Variants in SLIT3 observed in about 807,000 individuals in gnomAD.
The protein encoded by SLIT3 is slit homolog 3 protein.
In SLIT3, 68 loss-of-function variants were observed where a neutral mutation model predicts 184.0. The ratio of observed to expected loss-of-function variants is 0.37; its 90% CI spans 0.30 to 0.45. The LOEUF (loss-of-function observed/expected upper bound fraction) is 0.45. Among genes scored for constraint, SLIT3 ranks in the 20% least tolerant of loss-of-function variants. The probability of loss-of-function intolerance (pLI) is 1.00; values close to 1 mark genes in which losing one functional copy is unlikely to be tolerated. For synonymous variants in SLIT3, 831 were observed against 828.6 expected, an observed-to-expected ratio of 1.00 and a Z score of -0.05; for missense variants, 1,707 against 2,026.0, an observed-to-expected ratio of 0.84 and a Z score of 3.02.
intron 1 of SLIT3, among the ~76,000 whole-genome samples, chr5:169,294,990 T>C (rs1334473952): frequency 6.6e-6 from 1 of 152,192 alleles, no homozygotes; most frequent in Non-Finnish European, 1.5e-5. Flanking sequence ...GAATAAAGCT[T>C]ACAGGACTGG....
At chr5:169,099,809 C>T (rs78015093) in intron 4 of SLIT3, among the ~76,000 whole-genome samples, 1 of 152,282 alleles carries the variant, frequency 6.6e-6, no homozygotes, top group East Asian at 1.9e-4. Context: ...GGGCATCTAA[C>T]CCTGCATTAG....
intron 6 of SLIT3, among the ~76,000 whole-genome samples, chr5:168,836,135 C>T (rs1581130469): frequency 1.3e-5 from 2 of 152,296 alleles, no homozygotes; most frequent in East Asian, 3.9e-4. Context: ...AGGATCTTGA[C>T]TTTCAAGACT....
chr5:169,098,174 A>C (rs1419927167), intron 4 of SLIT3, among the ~76,000 whole-genome samples: 1 of 152,060 alleles, frequency 6.6e-6, no homozygotes, highest in Non-Finnish European at 1.5e-5. Context: ...TTCATGCCTT[A>C]GAGTTAATTA....
chr5:169,263,629 C>A (rs759815617), intron 1 of SLIT3: 2 of 494,070 alleles, frequency 4.0e-6, no homozygotes, highest in South Asian at 3.0e-5. Flanking sequence ...CATACAGATA[C>A]GCCCAACGTT....
chr5:169,261,445 CTTTCTTCTTTTCTTTCCTTAT>C (rs1364609395), intron 1 of SLIT3, among the ~76,000 whole-genome samples: 2 of 152,144 alleles, frequency 1.3e-5, no homozygotes, highest in African/African-American at 4.8e-5. Flanking sequence ...TCCCTTCCTT[CTTTCTTCTTTTCTTTCCTTAT>C]TTTCTTCTTT....
intron 1 of SLIT3, among the ~76,000 whole-genome samples, chr5:169,296,714 G>A (rs1010139004): frequency 5.3e-5 from 8 of 152,342 alleles, no homozygotes; most frequent in Admixed American, 3.9e-4. Flanking sequence ...AAAGCTAGCC[G>A]TCATTTGGAG....
chr5:169,166,775 C>T (rs975851874), intron 4 of SLIT3, among the ~76,000 whole-genome samples: 4 of 152,178 alleles, frequency 2.6e-5, no homozygotes, highest in African/African-American at 9.7e-5. Flanking sequence ...ATGATGCCTC[C>T]TATCTAGATA....
At chr5:168,916,614 G>C (rs1056654028) in intron 4 of SLIT3, among the ~76,000 whole-genome samples, 1 of 152,192 alleles carries the variant, frequency 6.6e-6, no homozygotes, top group Admixed American at 6.5e-5. Flanking sequence ...CTTGCCCAGA[G>C]GATTATTTCT....
At chr5:169,250,134 A>G (rs1234378534) in intron 2 of SLIT3, among the ~76,000 whole-genome samples, 2 of 152,224 alleles carry the variant, frequency 1.3e-5, no homozygotes. Context: ...CCTGCTATGT[A>G]GAGTTGGGTC....
chr5:169,265,068 G>T (rs1213532120), intron 1 of SLIT3, among the ~76,000 whole-genome samples: 1 of 152,210 alleles, frequency 6.6e-6, no homozygotes, highest in Non-Finnish European at 1.5e-5. Flanking sequence ...ATGTAAAGAG[G>T]AGTATTGGGC....
At chr5:168,754,713 T>G (rs1754835201) in intron 16 of SLIT3, among the ~76,000 whole-genome samples, 1 of 152,150 alleles carries the variant, frequency 6.6e-6, no homozygotes, top group Admixed American at 6.5e-5. Flanking sequence ...ATTGCATGCA[T>G]GTATCAAAAT....
intron 8 of SLIT3, among the ~76,000 whole-genome samples, chr5:168,815,480 C>T (rs1581110445): frequency 6.6e-6 from 1 of 152,286 alleles, no homozygotes; most frequent in East Asian, 1.9e-4. Flanking sequence ...ATAATTATTT[C>T]TTTCACTTAT....
chr5:169,256,682 A>G (rs186366138), intron 1 of SLIT3, among the ~76,000 whole-genome samples: 111 of 152,266 alleles, frequency 7.3e-4, no homozygotes, highest in African/African-American at 2.5e-3. Flanking sequence ...ACCATTAGCA[A>G]TGGAACCCCA....
intron 6 of SLIT3, among the ~76,000 whole-genome samples, chr5:168,835,552 T>C (rs761467339): frequency 1.3e-5 from 2 of 152,050 alleles, no homozygotes; most frequent in Non-Finnish European, 2.9e-5. Context: ...CTCATGCCTG[T>C]AATCCCAGCG....
Position 168,669,842 on chromosome 5 carries a change from T to A in SLIT3, c.4277A>T (p.Asp1426Val). 1.9e-6 allele frequency: 3 copies of A among 1,614,150 alleles called. No individual in the cohort carries two copies. Among genetic ancestry groups the A allele is most frequent in the Non-Finnish European group, 2.5e-6 (3 of 1,180,026 alleles). Residue 1426 changes from aspartate to valine, a missense_variant, in exon 35 of 36, where the codon GAC becomes GTC. Asp to Val is a radical substitution (Grantham distance 152). Transcript: ENST00000519560. The part of the protein sequence containing the change: ...KCHHGQCHIS[D>V]QGEPYCLCQP... Reference sequence around the variant, plus strand: ...GCACAGGCAGTAGGGCTCCCCTTGGTCTGAGATGTGGCACTGCCCATGGTG... The same window carrying A: ...GCACAGGCAGTAGGGCTCCCCTTGGACTGAGATGTGGCACTGCCCATGGTG...
chr5:169,107,654 T>C (rs1301571226), intron 4 of SLIT3, among the ~76,000 whole-genome samples: 1 of 152,226 alleles, frequency 6.6e-6, no homozygotes, highest in Admixed American at 6.5e-5. Context: ...TGCAGAAGGC[T>C]TGGAGCCTTT....
intron 4 of SLIT3, among the ~76,000 whole-genome samples, chr5:168,936,104 G>C (rs1762150179): frequency 6.6e-6 from 1 of 152,188 alleles, no homozygotes; most frequent in African/African-American, 2.4e-5. Flanking sequence ...GTGAAAGAGA[G>C]CAAAGAGATT....
At chr5:169,070,045 A>G (rs533972458) in intron 4 of SLIT3, among the ~76,000 whole-genome samples, 1 of 152,324 alleles carries the variant, frequency 6.6e-6, no homozygotes, top group African/African-American at 2.4e-5. Flanking sequence ...GTGGGAAGAG[A>G]AAAGGAAATG....
chr5:168,941,363 C>A (rs1214410932), intron 4 of SLIT3, among the ~76,000 whole-genome samples: 1 of 152,200 alleles, frequency 6.6e-6, no homozygotes, highest in Non-Finnish European at 1.5e-5. Context: ...TAGGTCATTT[C>A]ATCCTTCCCA....
Sources: gnomAD v4.1 joint callset for allele counts (sites outside exome capture counted in the v4.1 genomes callset) on GRCh38, gnomAD v4.1.1 for gene constraint, MANE v1.5 for transcripts, NCBI Gene and HGNC (gene_info 2026-07-23, HGNC 2026-07-21) for gene names.